The following DLGAP2 variants were observed in gnomAD, a reference collection of about 807,000 sequenced individuals.
DLGAP2 encodes DLG associated protein 2.
Under a neutral mutation model 100.3 loss-of-function variants are expected in DLGAP2, and 26 were observed. The observed-to-expected ratio is 0.26, with a 90% CI of 0.19 to 0.36. The LOEUF (loss-of-function observed/expected upper bound fraction) is 0.36. Among genes scored for constraint, DLGAP2 ranks in the 10% least tolerant of loss-of-function variants. The probability of loss-of-function intolerance (pLI) is 1.00; values close to 1 mark genes in which losing one functional copy is unlikely to be tolerated. For synonymous variants in DLGAP2, 886 were observed against 630.1 expected (o/e 1.41, Z -6.08); for missense variants, 1,858 against 1,453.2 (o/e 1.28, Z -4.53).
At chr8:949,719 C>T (rs1292927863) in intron 2 of DLGAP2, among the ~76,000 whole-genome samples, 1 of 152,300 alleles carries the variant, frequency 6.6e-6, no homozygotes, top group East Asian at 1.9e-4. Flanking sequence ...CAGGTCAGTT[C>T]AGGGACCCGG....
chr8:1,156,046 G>A (rs1030477181), intron 2 of DLGAP2, among the ~76,000 whole-genome samples: 4 of 152,128 alleles, frequency 2.6e-5, no homozygotes, highest in Admixed American at 2.0e-4. Flanking sequence ...CCTGACACCC[G>A]CACGGCTGAT....
At chr8:802,099 ATGGT>A (rs1563039245) in intron 1 of DLGAP2, among the ~76,000 whole-genome samples, 23 of 134,522 alleles carry the variant, frequency 1.7e-4, no homozygotes, top group East Asian at 2.6e-4. Context: ...GGCCTGGGGA[ATGGT>A]CCACACACCT....
intron 4 of DLGAP2, among the ~76,000 whole-genome samples, chr8:1,507,249 C>G (rs1389572555): frequency 1.3e-5 from 2 of 152,212 alleles, no homozygotes; most frequent in South Asian, 2.1e-4. Context: ...GGGAGCCCAC[C>G]GCGAGGGGGA....
intron 2 of DLGAP2, among the ~76,000 whole-genome samples, chr8:990,074 G>A (rs1410910044): frequency 1.3e-5 from 2 of 152,030 alleles, no homozygotes; most frequent in Non-Finnish European, 2.9e-5. Context: ...TCCCACTGTA[G>A]AATTTCATGA....
intron 3 of DLGAP2, among the ~76,000 whole-genome samples, chr8:1,488,656 A>C (rs1185074470): frequency 6.6e-6 from 1 of 152,236 alleles, no homozygotes; most frequent in Non-Finnish European, 1.5e-5. Context: ...TTGAGGATGC[A>C]GGTTCTCATC....
intron 2 of DLGAP2, among the ~76,000 whole-genome samples, chr8:1,157,492 C>A (rs1306104805): frequency 1.3e-5 from 2 of 152,140 alleles, no homozygotes; most frequent in African/African-American, 4.8e-5. Flanking sequence ...TCTCCCAGCC[C>A]CTGAAGACCC....
chr8:1,343,952 C>T (rs78032699), intron 3 of DLGAP2, among the ~76,000 whole-genome samples: 1,901 of 152,324 alleles, frequency 0.012, 28 homozygotes, highest in South Asian at 0.07. Context: ...TGGCCGAGGG[C>T]AGGTGTACAG....
intron 1 of DLGAP2, among the ~76,000 whole-genome samples, chr8:903,837 G>A (rs1609956): frequency 0.036 from 5,486 of 152,290 alleles, 324 homozygotes; most frequent in African/African-American, 0.13. Flanking sequence ...CCTGACTTAC[G>A]GTGCTCGTTA....
At chr8:762,898 C>G (rs1821122840) in intron 1 of DLGAP2, among the ~76,000 whole-genome samples, 1 of 152,070 alleles carries the variant, frequency 6.6e-6, no homozygotes, top group East Asian at 1.9e-4. Flanking sequence ...GGCTGGTCTC[C>G]TACTCCTGGG....
intron 2 of DLGAP2, among the ~76,000 whole-genome samples, chr8:1,253,599 G>A (rs192342651): frequency 7.7e-4 from 118 of 152,298 alleles, no homozygotes; most frequent in African/African-American, 2.3e-3. Context: ...TGGGCTGGGC[G>A]TTTGCTGTTC....
rs1432412267 is a variant in DLGAP2 at position 1,130,654 on chromosome 8, G to A, written c.74-128197G>A. ...TAAAGCGTGGCACGGACCAGAGGCT[G>A]CACAGCAGCATCTTCGTAACCATAG... is the stretch of plus-strand genomic sequence containing the variant. On this transcript the variant is annotated intron_variant, in intron 2 of 14. Transcript: ENST00000637795. Among the ~76,000 whole-genome samples the A allele has an allele frequency of 3.3e-5, 5 of 152,260 alleles. No homozygotes were observed. In the East Asian group the frequency reaches 9.6e-4, roughly 29 times the overall value.
intron 2 of DLGAP2, among the ~76,000 whole-genome samples, chr8:1,136,605 C>CACT (rs1563210791): frequency 2.0e-5 from 3 of 152,228 alleles, no homozygotes; most frequent in African/African-American, 7.2e-5. Context: ...TGGTGCACAG[C>CACT]AGACCCATGA....
intron 2 of DLGAP2, among the ~76,000 whole-genome samples, chr8:1,020,230 G>C (rs1043821132): frequency 2.6e-5 from 4 of 152,198 alleles, no homozygotes; most frequent in Non-Finnish European, 5.9e-5. Context: ...AAAGTTTTCA[G>C]CTCCAGAGGG....
chr8:1,525,078 T>A (rs1449619387), intron 4 of DLGAP2, among the ~76,000 whole-genome samples: 1 of 152,170 alleles, frequency 6.6e-6, no homozygotes, highest in Non-Finnish European at 1.5e-5. Flanking sequence ...GTGCTGAGTG[T>A]GCTCAAATTC....
At chr8:1,488,706 A>G (rs924449290) in intron 3 of DLGAP2, among the ~76,000 whole-genome samples, 3 of 152,146 alleles carry the variant, frequency 2.0e-5, no homozygotes, top group African/African-American at 7.2e-5. Flanking sequence ...TAATTCTACA[A>G]CATCTCCAAA....
chr8:1,578,923 C>A (rs933472526), intron 6 of DLGAP2, among the ~76,000 whole-genome samples: 10 of 152,200 alleles, frequency 6.6e-5, no homozygotes, highest in African/African-American at 2.2e-4. Flanking sequence ...TGCAGAGCAC[C>A]ACTTAGAATT....
chr8:1,258,954 C>A, intron 3 of DLGAP2, 71 bp downstream of exon 3: 1 of 1,183,386 alleles, frequency 8.5e-7, no homozygotes, highest in South Asian at 4.3e-5. Flanking sequence ...TGGCAACAGT[C>A]TACCATGAAA....
chr8:922,443 G>C (rs1036432762), intron 2 of DLGAP2, among the ~76,000 whole-genome samples: 2 of 152,166 alleles, frequency 1.3e-5, no homozygotes, highest in African/African-American at 4.8e-5. Context: ...ATTCCAGGAA[G>C]GCATTTTATT....
intron 5 of DLGAP2, among the ~76,000 whole-genome samples, chr8:1,550,599 C>T (rs1439086484): frequency 6.6e-6 from 1 of 152,132 alleles, no homozygotes; most frequent in African/African-American, 2.4e-5. Context: ...GCACCCCCCA[C>T]TACAAAAAGC....
Sources: allele counts gnomAD v4.1 joint callset (sites outside exome capture counted in the v4.1 genomes callset), GRCh38; gene constraint gnomAD v4.1.1; transcripts MANE v1.5; gene names NCBI Gene and HGNC (gene_info 2026-07-23, HGNC 2026-07-21).